The following EPHB1 variants were observed in gnomAD, a reference collection of about 807,000 sequenced individuals.
EPHB1 encodes EPH receptor B1.
In EPHB1, 30 loss-of-function variants were observed where a neutral mutation model predicts 94.4. That is an observed-to-expected ratio of 0.32 (90% CI 0.24 to 0.43). The LOEUF is 0.43. Among genes scored for constraint, EPHB1 ranks in the 20% least tolerant of loss-of-function variants. The pLI is 1.00. For synonymous variants in EPHB1, 522 were observed against 489.1 expected (o/e 1.07, Z -0.89); for missense variants, 1,055 against 1,308.3 (o/e 0.81, Z 2.99).
chr3:135,007,783 T>C (rs191202363), intron 3 of EPHB1, among the ~76,000 whole-genome samples: 2 of 152,354 alleles, frequency 1.3e-5, no homozygotes, highest in East Asian at 3.8e-4. Flanking sequence ...ATTTTAGTCA[T>C]TCTTCCAGCT....
chr3:135,124,246 A>G (rs1376424368), intron 4 of EPHB1, among the ~76,000 whole-genome samples: 1 of 151,566 alleles, frequency 6.6e-6, no homozygotes, highest in Non-Finnish European at 1.5e-5. Flanking sequence ...CATCACACTC[A>G]GGTCTCTGTC....
At chr3:135,149,692 T>G (rs1372208500) in intron 5 of EPHB1, among the ~76,000 whole-genome samples, 3 of 152,210 alleles carry the variant, frequency 2.0e-5, no homozygotes, top group Non-Finnish European at 4.4e-5. Context: ...CTTTCTTGCT[T>G]TCTCCCATGT....
intron 3 of EPHB1, among the ~76,000 whole-genome samples, chr3:135,096,363 G>C (rs764492499): frequency 6.6e-6 from 1 of 152,214 alleles, no homozygotes; most frequent in Non-Finnish European, 1.5e-5. Context: ...AGATGGCCTA[G>C]AGCAGTGGTC....
chr3:134,941,735 C>T (rs576360630), intron 2 of EPHB1, among the ~76,000 whole-genome samples: 4 of 140,560 alleles, frequency 2.8e-5, no homozygotes, highest in Non-Finnish European at 6.0e-5. Flanking sequence ...TGATAGCATG[C>T]TTTACATATG....
At chr3:135,241,455 G>T (rs1943781362) in intron 13 of EPHB1, among the ~76,000 whole-genome samples, 158 bp downstream of exon 13, 1 of 152,136 alleles carries the variant, frequency 6.6e-6, no homozygotes, top group Admixed American at 6.5e-5. Context: ...ATGGATGTTG[G>T]AACTAATCAA....
chr3:135,137,075 G>A (rs763354247), intron 5 of EPHB1, among the ~76,000 whole-genome samples: 10 of 152,146 alleles, frequency 6.6e-5, no homozygotes, highest in Non-Finnish European at 8.8e-5. Context: ...AAATAGACTC[G>A]GAGTGTCAAA....
intron 4 of EPHB1, among the ~76,000 whole-genome samples, chr3:135,121,040 G>A (rs1218058600): frequency 6.6e-6 from 1 of 152,180 alleles, no homozygotes; most frequent in Non-Finnish European, 1.5e-5. Context: ...TCTGGTCCAG[G>A]TGGTTGTCTT....
At chr3:135,246,260 G>A (rs1943922044) in intron 13 of EPHB1, among the ~76,000 whole-genome samples, 1 of 152,128 alleles carries the variant, frequency 6.6e-6, no homozygotes, top group South Asian at 2.1e-4. Context: ...CAACCCAGAA[G>A]GAGCTCTAGG....
chr3:134,829,402 G>A (rs1472823255), intron 1 of EPHB1, among the ~76,000 whole-genome samples: 1 of 152,182 alleles, frequency 6.6e-6, no homozygotes, highest in East Asian at 1.9e-4. Context: ...ATCAGGAGAA[G>A]GCAACTCAGT....
intron 3 of EPHB1, among the ~76,000 whole-genome samples, chr3:134,953,001 A>G (rs1229977548): frequency 6.6e-6 from 1 of 152,178 alleles, no homozygotes; most frequent in Non-Finnish European, 1.5e-5. Flanking sequence ...TGATTCTTTT[A>G]CAAGGAAGCC....
chr3:134,921,150 C>G (rs1232935414), intron 1 of EPHB1, among the ~76,000 whole-genome samples: 1 of 152,140 alleles, frequency 6.6e-6, no homozygotes, highest in Non-Finnish European at 1.5e-5. Context: ...CCTCCCTTCT[C>G]CTTTTGCTCA....
intron 3 of EPHB1, among the ~76,000 whole-genome samples, chr3:135,018,001 G>A (rs558880660): frequency 3.3e-5 from 5 of 152,250 alleles, no homozygotes; most frequent in Admixed American, 6.5e-5. Context: ...CCTGGACTGT[G>A]AGGGGGGGCA....
At chr3:134,848,910 A>G (rs2292660) in intron 1 of EPHB1, among the ~76,000 whole-genome samples, 23,459 of 152,242 alleles carry the variant, frequency 0.15, 2,323 homozygotes, top group African/African-American at 0.29. Flanking sequence ...AGGGGCCTCT[A>G]TTTTTCAATC....
chr3:134,977,467 A>G (rs1934232877), intron 3 of EPHB1, among the ~76,000 whole-genome samples: 2 of 152,222 alleles, frequency 1.3e-5, no homozygotes, highest in African/African-American at 4.8e-5. Flanking sequence ...GTAAAGACCA[A>G]GAATGTATCT....
In EPHB1 at chr3:135,191,502, C is replaced by T. The variant is rs80307777; in HGVS notation, c.1883-1074C>T. Among the ~76,000 whole-genome samples the T allele has an allele frequency of 6.4e-3, 981 of 152,338 alleles. 20 individuals are homozygous for T. The highest frequency in any genetic ancestry group is 0.022 in the African/African-American group (919 of 41,582). ...TGGAAAGTGAGAGAGAAAGTTTTCT[C>T]AGCAGAAAGCCATGTTTCTTCTGCT... On this transcript the variant is annotated intron_variant, in intron 10 of 15. Coordinates refer to ENST00000398015, the MANE Select transcript of EPHB1 (RefSeq NM_004441.5).
chr3:134,814,433 G>A (rs923197061), intron 1 of EPHB1, among the ~76,000 whole-genome samples: 1 of 152,170 alleles, frequency 6.6e-6, no homozygotes, highest in Non-Finnish European at 1.5e-5. Flanking sequence ...TAAGTGCTCC[G>A]TGATATAGCC....
intron 3 of EPHB1, among the ~76,000 whole-genome samples, chr3:135,029,657 T>G (rs1936344565): frequency 6.6e-6 from 1 of 150,478 alleles, no homozygotes; most frequent in South Asian, 2.2e-4. Context: ...GCCCTTAACA[T>G]TTTTTCCTTC....
intron 3 of EPHB1, among the ~76,000 whole-genome samples, chr3:135,057,603 T>C (rs1937383943): frequency 6.6e-6 from 1 of 152,160 alleles, no homozygotes; most frequent in Non-Finnish European, 1.5e-5. Context: ...TCCTGTCCCT[T>C]TTATCTCCAG....
chr3:135,213,235 C>G (rs1001335519), intron 12 of EPHB1, among the ~76,000 whole-genome samples: 1 of 152,186 alleles, frequency 6.6e-6, no homozygotes, highest in Admixed American at 6.5e-5. Context: ...AAATAATGAA[C>G]AGATCGAATT....
Sources: gnomAD v4.1 joint callset for allele counts (sites outside exome capture counted in the v4.1 genomes callset) on GRCh38, gnomAD v4.1.1 for gene constraint, MANE v1.5 for transcripts, NCBI Gene and HGNC (gene_info 2026-07-23, HGNC 2026-07-21) for gene names.